FAM221A: variants seen among roughly 807,000 people sequenced by gnomAD.
FAM221A encodes the protein family with sequence similarity 221 member A.
A neutral mutation model predicts 37.6 loss-of-function variants in FAM221A; 43 were observed. That is an observed-to-expected ratio of 1.15 (90% CI 0.90 to 1.48). The LOEUF is 1.48. Among genes scored for constraint, FAM221A ranks in the 40% most tolerant of loss-of-function variants. The probability of loss-of-function intolerance (pLI) is 0.00; values close to 1 mark genes in which losing one functional copy is unlikely to be tolerated. For synonymous variants in FAM221A, 135 were observed against 132.9 expected (o/e 1.02, Z -0.11); for missense variants, 361 against 361.5 (o/e 1.00, Z 0.01).
At chr7:23,690,199 A>ATATTTTT (rs774313037) in intron 3 of FAM221A, among the ~76,000 whole-genome samples, 1,906 of 48,670 alleles carry the variant, frequency 0.039, 104 homozygotes, top group Non-Finnish European at 0.053. Context: ...ATATATATAT[A>ATATTTTT]TTTTTTTTTT....
Position 23,698,051 on chromosome 7 carries a change from C to T in FAM221A, c.638-141C>T, listed in dbSNP as rs532584840. ...TTGGCATTACAGGCATGAGCCATTA[C>T]ACCCAGTCTAAAATTTTTTTTTTAT... On this transcript the variant is annotated intron_variant, in intron 4 of 6. Coordinates refer to ENST00000344962, the MANE Select transcript of FAM221A (RefSeq NM_199136.5). 362 of 580,642 alleles carry T rather than the reference C, an allele frequency of 6.2e-4. 6 individuals carry two copies. The South Asian group carries it at 7.6e-3, about 12-fold the overall frequency. 36.0% of individuals were successfully genotyped at this position (580,642 alleles called of 1,614,324 possible).
At chr7:23,701,418 T>G (rs1440019876) in intron 6 of FAM221A, among the ~76,000 whole-genome samples, 1 of 152,004 alleles carries the variant, frequency 6.6e-6, no homozygotes, top group Non-Finnish European at 1.5e-5. Flanking sequence ...TTTTTGTATT[T>G]TTAGTAGAGA....
Position 23,680,484 on chromosome 7 carries a change from TGA to T in FAM221A, c.65+203_65+204del, listed in dbSNP as rs949889620. On this transcript the variant is annotated intron_variant, in intron 1 of 6. Coordinates refer to ENST00000344962, the MANE Select transcript of FAM221A (RefSeq NM_199136.5). ...AGGGCCACGCGGTTCTATGCAGTGA[TGA>T]GTCTTCCAATAACATTTAAGAGGCC... Among the ~76,000 whole-genome samples, 109 of 152,268 alleles carry T rather than the reference TGA, an allele frequency of 7.2e-4. 1 individual carries two copies. Among genetic ancestry groups the T allele is most frequent in the African/African-American group, 2.3e-3 (94 of 41,554 alleles).
At chr7:23,689,008 A>C (rs1192697671) in intron 2 of FAM221A, 1 of 277,016 alleles carries the variant, frequency 3.6e-6, no homozygotes, top group African/African-American at 2.2e-5. Flanking sequence ...TAAGGAAATT[A>C]TATAATTATT....
intron 1 of FAM221A, among the ~76,000 whole-genome samples, chr7:23,683,113 A>C (rs1438036593): frequency 2.0e-5 from 3 of 152,230 alleles, no homozygotes; most frequent in Non-Finnish European, 4.4e-5. Flanking sequence ...TGTATTGCAC[A>C]AAAAAGTATG....
intron 2 of FAM221A, 129 bp from the exon 3 acceptor site, chr7:23,689,140 C>T: frequency 1.7e-6 from 1 of 588,730 alleles, no homozygotes; most frequent in East Asian, 2.8e-5. Flanking sequence ...AGTTTATTTT[C>T]ACCTTACTAT....
Position 23,689,347 on chromosome 7 carries a change from C to A in FAM221A, c.318C>A (p.Cys106Ter). The A allele has an allele frequency of 6.2e-7, 1 of 1,604,312 alleles. No homozygotes were observed. The highest frequency in any genetic ancestry group is 8.5e-7 in the Non-Finnish European group (1 of 1,172,354). ...PIDLPCQVTG[C>*]QCRAYLYVPL... ...ATCTGCCCTGCCAAGTGACTGGCTG[C>A]CAGTGCAGGGCTTACCTTTATGTCC... Residue 106 changes from cysteine (C) to a stop codon, truncating the protein, a stop_gained, in exon 3 of 7, where the codon TGC (cysteine) becomes TGA (stop). Transcript: ENST00000344962. LOFTEE classifies it high-confidence loss of function.
At chr7:23,689,852 G>C (rs1389275963) in intron 3 of FAM221A, among the ~76,000 whole-genome samples, 1 of 151,930 alleles carries the variant, frequency 6.6e-6, no homozygotes, top group African/African-American at 2.4e-5. Flanking sequence ...AACTTTTATG[G>C]TTTGCTGATA....
At chr7:23,684,450 C>A in intron 1 of FAM221A, 49 bp from the exon 2 acceptor site, 1 of 1,336,248 alleles carries the variant, frequency 7.5e-7, no homozygotes, top group Non-Finnish European at 1.0e-6. Flanking sequence ...ATAGCTCACC[C>A]AGAAAATAAA....
chr7:23,684,726 A>G, intron 2 of FAM221A, 54 bp downstream of exon 2: 1 of 1,446,882 alleles, frequency 6.9e-7, no homozygotes, highest in Non-Finnish European at 9.4e-7. Context: ...AAAGCTAAGC[A>G]TATCTTACTT....
At chr7:23,690,200 T>TATA (rs1491098232) in intron 3 of FAM221A, among the ~76,000 whole-genome samples, 277 of 18,566 alleles carry the variant, frequency 0.015, 2 homozygotes, top group South Asian at 0.032. Context: ...TATATATATA[T>TATA]TTTTTTTTTT....
At chr7:23,703,194 C>G (rs112942334), downstream of FAM221A, 45 of 152,360 alleles carry the variant, frequency 3.0e-4, no homozygotes, top group African/African-American at 1.1e-3. Context: ...CACTCCTCTA[C>G]CCCTCCCTCT....
rs868273270 is a variant in FAM221A at position 23,691,764 on chromosome 7, T to G, written c.637+168T>G. The stretch of plus-strand genomic sequence containing the variant: ...GGTTTTTAAAATTTTTATTTTATTT[T>G]TTATTTTTTCAGACCTATTTAGTAT... On this transcript the variant is annotated intron_variant, in intron 4 of 6. Transcript: ENST00000344962. 2.2e-4 allele frequency among the ~76,000 whole-genome samples: 33 copies of G among 152,210 alleles called. 1 individual carries two copies. The highest frequency in any genetic ancestry group is 3.9e-4 in the Admixed American group (6 of 15,284).
intron 3 of FAM221A, among the ~76,000 whole-genome samples, chr7:23,690,634 C>T (rs567428165): frequency 6.6e-6 from 1 of 152,276 alleles, no homozygotes; most frequent in African/African-American, 2.4e-5. Flanking sequence ...ACATGTCATA[C>T]AATTAACCTA....
chr7:23,690,908 T>C (rs1437172094), intron 3 of FAM221A, among the ~76,000 whole-genome samples: 3 of 152,234 alleles, frequency 2.0e-5, no homozygotes, highest in African/African-American at 4.8e-5. Context: ...TCATTTAGCA[T>C]GATGTTTTCA....
At chr7:23,701,642 C>CT (rs1186692144) in intron 6 of FAM221A, among the ~76,000 whole-genome samples, 2 of 152,118 alleles carry the variant, frequency 1.3e-5, no homozygotes, top group African/African-American at 4.8e-5. Context: ...ACAGTGGCTG[C>CT]TTTTTTGCTT....
intron 4 of FAM221A, among the ~76,000 whole-genome samples, chr7:23,695,106 C>G (rs1784972958): frequency 6.6e-6 from 1 of 152,242 alleles, no homozygotes; most frequent in Admixed American, 6.5e-5. Flanking sequence ...GTAGCTGTGC[C>G]TGTGGGCGCA....
intron 2 of FAM221A, chr7:23,686,207 T>A (rs2128037784): frequency 3.0e-6 from 1 of 332,050 alleles, no homozygotes; most frequent in African/African-American, 2.3e-5. Flanking sequence ...TAGTGCCACT[T>A]TCTAATCTCT....
intron 4 of FAM221A, chr7:23,692,227 T>G: frequency 1.6e-5 from 15 of 952,474 alleles, no homozygotes; most frequent in Non-Finnish European, 1.9e-5. Context: ...GGGAGCAGAA[T>G]GTGTTCCCTG....
Sources: allele counts gnomAD v4.1 joint callset (sites outside exome capture counted in the v4.1 genomes callset), GRCh38; gene constraint gnomAD v4.1.1; transcripts MANE v1.5; gene names NCBI Gene and HGNC (gene_info 2026-07-23, HGNC 2026-07-21).